The following RYR2 variants were observed in gnomAD, a reference collection of about 807,000 sequenced individuals.
The protein encoded by RYR2 is ryanodine receptor 2.
Under a neutral mutation model 601.1 loss-of-function variants are expected in RYR2, and 227 were observed. The observed-to-expected ratio is 0.38, with a 90% CI of 0.34 to 0.42. The LOEUF (loss-of-function observed/expected upper bound fraction) is 0.42. Ranked by LOEUF, RYR2 falls within the 10% of genes least tolerant of loss-of-function variation. RYR2 has a pLI of 1.00. For missense variants in RYR2, 4,646 were observed against 6,156.5 expected, an observed-to-expected ratio of 0.75 and a Z score of 8.21; for synonymous variants, 2,223 against 2,175.1, an observed-to-expected ratio of 1.02 and a Z score of -0.61.
At chr1:237,368,132 A>G (rs1217771327) in intron 5 of RYR2, among the ~76,000 whole-genome samples, 1 of 152,110 alleles carries the variant, frequency 6.6e-6, no homozygotes, top group Non-Finnish European at 1.5e-5. Flanking sequence ...GTAGAGGGAG[A>G]AAAAAATCTG....
At chr1:237,824,790 A>G (rs1574101992) in intron 101 of RYR2, among the ~76,000 whole-genome samples, 1 of 152,324 alleles carries the variant, frequency 6.6e-6, no homozygotes, top group Middle Eastern at 3.4e-3. Context: ...TCTCAGCCCC[A>G]AATTTCCTTA....
At position 237,585,879 on chromosome 1, in the gene RYR2, T is replaced by G. The variant is rs537294286; in HGVS notation, c.3599-3914T>G. ...AATGGGGTGTATTTAATTATTTATT[T>G]TAAAAGTTTTATATTGCTTTTGAAT... On this transcript the variant is annotated intron_variant, in intron 29 of 104. Coordinates refer to ENST00000366574, the MANE Select transcript of RYR2 (RefSeq NM_001035.3). Among the ~76,000 whole-genome samples, 3 of 152,324 alleles carry G rather than the reference T, an allele frequency of 2.0e-5. No homozygotes were observed. In the South Asian group the frequency reaches 6.2e-4, roughly 32 times the overall value.
intron 2 of RYR2, among the ~76,000 whole-genome samples, chr1:237,285,410 T>A (rs1024210468): frequency 2.0e-5 from 3 of 152,190 alleles, no homozygotes; most frequent in Non-Finnish European, 2.9e-5. Flanking sequence ...CTTTTTGATA[T>A]GTTGTTGGAT....
intron 1 of RYR2, among the ~76,000 whole-genome samples, chr1:237,190,342 G>T (rs1266451152): frequency 2.0e-5 from 3 of 152,166 alleles, no homozygotes; most frequent in East Asian, 1.9e-4. Flanking sequence ...ATTTTGATTT[G>T]CATTTCTCTT....
chr1:237,762,859 C>G (rs1183217395), intron 84 of RYR2, among the ~76,000 whole-genome samples: 1 of 152,100 alleles, frequency 6.6e-6, no homozygotes, highest in African/African-American at 2.4e-5. Context: ...CCTTTTCTTT[C>G]GACTACTGTA....
chr1:237,211,689 A>C (rs1378945745), intron 1 of RYR2, among the ~76,000 whole-genome samples: 1 of 152,216 alleles, frequency 6.6e-6, no homozygotes, highest in African/African-American at 2.4e-5. Context: ...CTGAACCATG[A>C]TTGCCCCAGT....
At chr1:237,731,997 T>C in intron 77 of RYR2, 49 bp from the exon 78 acceptor site, 2 of 1,243,866 alleles carry the variant, frequency 1.6e-6, no homozygotes, top group Non-Finnish European at 2.3e-6. Flanking sequence ...TGGATTTGAG[T>C]GAACATTTTT....
At position 237,496,699 on chromosome 1, in the gene RYR2, G is replaced by A; in HGVS notation, c.2150G>A (p.Gly717Asp). The A allele has an allele frequency of 1.2e-6, 2 of 1,613,938 alleles. No homozygotes were observed. Among genetic ancestry groups the A allele is most frequent in the Non-Finnish European group, 1.7e-6 (2 of 1,179,882 alleles). ...PGGGEEWGGN[G>D]VGDDLFSYGF... is the part of the protein sequence containing the mutation. ...GGGGGCGAAGAGTGGGGTGGAAATGGTGTTGGAGATGATCTCTTCTCCTAT... is the reference window on the plus strand; with the variant it reads ...GGGGGCGAAGAGTGGGGTGGAAATGATGTTGGAGATGATCTCTTCTCCTAT... The change falls in exon 20 of 105, where the codon GGT (glycine) becomes GAT (aspartate). Residue 717 changes from glycine to aspartate, a missense_variant. Physicochemically the swap from Gly to Asp is moderately conservative, Grantham distance 94. Coordinates refer to ENST00000366574, the MANE Select transcript of RYR2 (RefSeq NM_001035.3).
chr1:237,665,123 G>A (rs192279609), intron 56 of RYR2, among the ~76,000 whole-genome samples: 23 of 152,198 alleles, frequency 1.5e-4, no homozygotes, highest in Admixed American at 2.0e-4. Context: ...ACTCCAGGCC[G>A]GGCATGGTGG....
intron 25 of RYR2, among the ~76,000 whole-genome samples, chr1:237,547,002 T>TA (rs1476675319): frequency 1.4e-5 from 2 of 144,688 alleles, no homozygotes; most frequent in African/African-American, 5.0e-5. Flanking sequence ...TATATTTATT[T>TA]ATTTATTTAT....
chr1:237,268,935 CAAAAAAAAAAAAA>C (rs1160004017), intron 1 of RYR2, among the ~76,000 whole-genome samples: 7 of 16,218 alleles, frequency 4.3e-4, no homozygotes, highest in South Asian at 9.2e-3. Flanking sequence ...ACTCTTGTCT[CAAAAAAAAAAAAA>C]AAAAAAAAAA....
At chr1:237,481,134 A>ATATATG (rs1418891324) in intron 17 of RYR2, among the ~76,000 whole-genome samples, 1 of 135,242 alleles carries the variant, frequency 7.4e-6, no homozygotes, top group East Asian at 2.1e-4. Context: ...ATACACACAC[A>ATATATG]TATATATATT....
At chr1:237,387,506 A>T (rs1289433355) in intron 9 of RYR2, 126 bp downstream of exon 9, 3 of 770,352 alleles carry the variant, frequency 3.9e-6, no homozygotes, top group Non-Finnish European at 6.4e-6. Context: ...TCTGTAATGC[A>T]GATACCTGAC....
chr1:237,474,249 A>ATATGTATATATG (rs1661134299), intron 17 of RYR2, among the ~76,000 whole-genome samples: 1 of 128,916 alleles, frequency 7.8e-6, no homozygotes, highest in Admixed American at 7.4e-5. Context: ...GTATAGATAT[A>ATATGTATATATG]TACATATGTA....
At chr1:237,242,193 G>GTTTTTT (rs1389322285) in intron 1 of RYR2, among the ~76,000 whole-genome samples, 1,330 of 50,104 alleles carry the variant, frequency 0.027, 16 homozygotes, top group African/African-American at 0.042. Context: ...TTTGATCACT[G>GTTTTTT]TTTTTTTTGT....
chr1:237,130,441 C>T (rs973915114), intron 1 of RYR2, among the ~76,000 whole-genome samples: 10 of 152,090 alleles, frequency 6.6e-5, no homozygotes, highest in South Asian at 2.1e-4. Context: ...AGGTTGGGCA[C>T]GGTGATTCAC....
Position 237,398,604 on chromosome 1 carries a change from C to T in RYR2, c.773+10421C>T, listed in dbSNP as rs148994141. On this transcript the variant is annotated intron_variant, in intron 10 of 104. Transcript: ENST00000366574. ...TGACTCAAACAAAAATATTGACAGCCACGTGCTGGTGAGAATGCAGAGAAA... is the reference window on the plus strand; with the variant it reads ...TGACTCAAACAAAAATATTGACAGCTACGTGCTGGTGAGAATGCAGAGAAA... 2.0e-3 allele frequency among the ~76,000 whole-genome samples: 305 copies of T among 152,248 alleles called. 3 individuals carry two copies. Among genetic ancestry groups the T allele is most frequent in the African/African-American group, 6.9e-3 (288 of 41,544 alleles).
chr1:237,257,896 G>T (rs577957288), intron 1 of RYR2, among the ~76,000 whole-genome samples: 17 of 152,194 alleles, frequency 1.1e-4, no homozygotes, highest in African/African-American at 3.6e-4. Context: ...AGGCACAGTA[G>T]CTCACGCCTG....
chr1:237,528,942 T>C lies in RYR2; in HGVS notation c.2823-1485T>C, dbSNP rs892609940. Among the ~76,000 whole-genome samples the C allele has an allele frequency of 5.3e-5, 8 of 152,174 alleles. No individual in the cohort carries two copies. In the East Asian group the frequency reaches 1.5e-3, roughly 29 times the overall value. On this transcript the variant is annotated intron_variant, in intron 24 of 104. Transcript: ENST00000366574. ...TTTAATTGCCTGAGTTTATGGTAAA[T>C]CCTAATATTATGATCAATCTTGAGT...
Sources: gnomAD v4.1 joint callset for allele counts (sites outside exome capture counted in the v4.1 genomes callset) on GRCh38, gnomAD v4.1.1 for gene constraint, MANE v1.5 for transcripts, NCBI Gene and HGNC (gene_info 2026-07-23, HGNC 2026-07-21) for gene names.